The following SLC17A8 variants were observed in gnomAD, a reference collection of about 807,000 sequenced individuals.
SLC17A8 encodes vesicular glutamate transporter 3.
Under a neutral mutation model 58.0 loss-of-function variants are expected in SLC17A8, and 31 were observed. That is an observed-to-expected ratio of 0.53 (90% CI 0.40 to 0.72). The LOEUF (loss-of-function observed/expected upper bound fraction) is 0.72, where lower values mean the gene tolerates loss of function less well. Ranked by LOEUF, SLC17A8 falls within the 30% of genes least tolerant of loss-of-function variation. The pLI is 0.00. For missense variants in SLC17A8, 655 were observed against 727.8 expected, an observed-to-expected ratio of 0.90 and a Z score of 1.15; for synonymous variants, 228 against 249.0, an observed-to-expected ratio of 0.92 and a Z score of 0.79.
intron 2 of SLC17A8, among the ~76,000 whole-genome samples, chr12:100,390,128 C>T (rs889392813): frequency 2.0e-5 from 3 of 151,696 alleles, no homozygotes; most frequent in Admixed American, 6.6e-5. Context: ...GCCTAGCTGG[C>T]TAGATTTTTG....
chr12:100,413,003 A>T, intron 10 of SLC17A8, 123 bp downstream of exon 10: 1 of 801,590 alleles, frequency 1.2e-6, no homozygotes, highest in African/African-American at 1.7e-5. Context: ...GAGCAGGACC[A>T]CCGTCCAGAG....
chr12:100,418,259 C>G (rs1053571924), intron 11 of SLC17A8, 103 bp downstream of exon 11: 1 of 1,404,146 alleles, frequency 7.1e-7, no homozygotes, highest in Non-Finnish European at 1.0e-6. Context: ...ATGTGTATGT[C>G]CTTGACCTTG....
chr12:100,381,117 A>T (rs1205674367), intron 2 of SLC17A8, among the ~76,000 whole-genome samples, 164 bp downstream of exon 2: 2 of 141,524 alleles, frequency 1.4e-5, no homozygotes, highest in Non-Finnish European at 3.0e-5. Flanking sequence ...CATCTCAGAT[A>T]AGTAGCTCCT....
intron 1 of SLC17A8, among the ~76,000 whole-genome samples, chr12:100,364,631 A>G (rs1952507397): frequency 6.6e-6 from 1 of 152,140 alleles, no homozygotes; most frequent in African/African-American, 2.4e-5. Context: ...GCATGTGATA[A>G]TGTGCAATCA....
In SLC17A8 at chr12:100,401,805, G is replaced by A. The variant is rs144556614; in HGVS notation, c.705G>A (p.Met235Ile). ...CCTATGCAGGGGCAGTGGTTGCCAT[G>A]CCCCTGGCTGGGGTGTTGGTGCAGT... The part of the protein sequence containing the change: ...CGSYAGAVVA[M>I]PLAGVLVQYI... Residue 235 changes from methionine (M) to isoleucine (I), a missense_variant, in exon 6 of 12, where the codon ATG becomes ATA. Met to Ile is a conservative substitution (Grantham distance 10, BLOSUM62 1). Coordinates refer to ENST00000323346, the MANE Select transcript of SLC17A8 (RefSeq NM_139319.3). 1.2e-6 allele frequency: 2 copies of A among 1,613,918 alleles called. No homozygotes were observed. The highest frequency in any genetic ancestry group is 2.7e-5 in the African/African-American group (2 of 74,924).
chr12:100,415,616 G>A (rs1952901010), intron 10 of SLC17A8, among the ~76,000 whole-genome samples: 2 of 151,976 alleles, frequency 1.3e-5, no homozygotes, highest in Non-Finnish European at 2.9e-5. Context: ...ATTTTTTCGA[G>A]ACAGGGTCTC....
At chr12:100,379,033 A>T (rs953790214) in intron 1 of SLC17A8, among the ~76,000 whole-genome samples, 2 of 152,222 alleles carry the variant, frequency 1.3e-5, no homozygotes, top group African/African-American at 4.8e-5. Context: ...TACTTAGCCC[A>T]GTACCTGAGA....
chr12:100,408,898 A>C (rs1367409116), intron 9 of SLC17A8, among the ~76,000 whole-genome samples: 1 of 152,194 alleles, frequency 6.6e-6, no homozygotes, highest in Non-Finnish European at 1.5e-5. Context: ...AATTAAGAAC[A>C]AGTAGCAATG....
chr12:100,414,507 G>C (rs1036316169), intron 10 of SLC17A8, among the ~76,000 whole-genome samples: 1 of 152,150 alleles, frequency 6.6e-6, no homozygotes, highest in Non-Finnish European at 1.5e-5. Flanking sequence ...TTCTCATCTA[G>C]AGATTGGAGA....
At chr12:100,372,698 G>A (rs1051992788) in intron 1 of SLC17A8, among the ~76,000 whole-genome samples, 1 of 152,256 alleles carries the variant, frequency 6.6e-6, no homozygotes. Flanking sequence ...ACCAAATACA[G>A]TGAGCAAGTA....
intron 9 of SLC17A8, among the ~76,000 whole-genome samples, chr12:100,405,124 G>T (rs115436462): frequency 4.3e-4 from 66 of 152,318 alleles, no homozygotes; most frequent in African/African-American, 1.5e-3. Context: ...ATAGCATTTC[G>T]GGAAGAAAGC....
chr12:100,393,227 G>C lies in SLC17A8; in HGVS notation c.474-142G>C, dbSNP rs558662322. 48 of 622,030 alleles carry C rather than the reference G, an allele frequency of 7.7e-5. No homozygotes were observed. The African/African-American group carries it at 7.8e-4, about 10-fold the overall frequency. The allele number at this position is 622,030 out of a possible 1,614,324, so 38.5% of individuals were successfully genotyped here. A position where few individuals can be genotyped will look rare whatever the true frequency, so the allele number is the denominator to read the frequency against. On this transcript the variant is annotated intron_variant, in intron 3 of 11. Transcript: ENST00000323346. ...GATCCACCCACCTCAGCCTCCCAAA[G>C]TGCTGGGATTACAGGTACGATCTTT...
At chr12:100,393,944 T>C (rs922997390) in intron 4 of SLC17A8, among the ~76,000 whole-genome samples, 1 of 152,208 alleles carries the variant, frequency 6.6e-6, no homozygotes, top group Non-Finnish European at 1.5e-5. Context: ...ACAGTGTCTG[T>C]TGCATCTACT....
chr12:100,362,218 G>C (rs929759749), intron 1 of SLC17A8, among the ~76,000 whole-genome samples: 1 of 151,996 alleles, frequency 6.6e-6, no homozygotes, highest in Non-Finnish European at 1.5e-5. Context: ...CCTCATGCCA[G>C]GACTAGAAGC....
intron 5 of SLC17A8, among the ~76,000 whole-genome samples, chr12:100,397,358 A>G (rs1231588924): frequency 6.6e-6 from 1 of 152,224 alleles, no homozygotes; most frequent in Non-Finnish European, 1.5e-5. Flanking sequence ...ACATTGTCAT[A>G]TAGAAATGTA....
rs1007487969 is a variant in SLC17A8, at chr12:100,380,682, T to G, written c.102-19T>G. ...TTAATCCTGGCTTTTATTTTCTGCCTATCCTTTTTCCCATGTAGAAAAATC... is the reference window on the plus strand; with the variant it reads ...TTAATCCTGGCTTTTATTTTCTGCCGATCCTTTTTCCCATGTAGAAAAATC... On this transcript the variant is annotated intron_variant, in intron 1 of 11. Coordinates refer to ENST00000323346, the MANE Select transcript of SLC17A8 (RefSeq NM_139319.3). The G allele has an allele frequency of 6.2e-7, 1 of 1,613,938 alleles. No individual in the cohort carries two copies. The highest frequency in any genetic ancestry group is 8.5e-7 in the Non-Finnish European group (1 of 1,180,024).
At chr12:100,363,780 C>T (rs1011678982) in intron 1 of SLC17A8, among the ~76,000 whole-genome samples, 3 of 152,080 alleles carry the variant, frequency 2.0e-5, no homozygotes, top group African/African-American at 7.2e-5. Context: ...ATGGCTCACA[C>T]CTGTAATCCC....
chr12:100,417,223 A>G (rs1339083340), intron 10 of SLC17A8, among the ~76,000 whole-genome samples: 1 of 152,210 alleles, frequency 6.6e-6, no homozygotes, highest in Admixed American at 6.5e-5. Flanking sequence ...TTATCTTTTG[A>G]TAGAAGACCT....
chr12:100,358,120 A>G (rs1412732138), intron 1 of SLC17A8, among the ~76,000 whole-genome samples: 1 of 152,198 alleles, frequency 6.6e-6, no homozygotes, highest in Non-Finnish European at 1.5e-5. Flanking sequence ...TTTAAAGTAA[A>G]ATATATTAAT....
Sources: allele counts gnomAD v4.1 joint callset (sites outside exome capture counted in the v4.1 genomes callset), GRCh38; gene constraint gnomAD v4.1.1; transcripts MANE v1.5; gene names NCBI Gene and HGNC (gene_info 2026-07-23, HGNC 2026-07-21).